The following TRAPPC12 variants were observed in gnomAD, a reference collection of about 807,000 sequenced individuals.
TRAPPC12 encodes trafficking protein particle complex subunit 12.
A neutral mutation model predicts 69.2 loss-of-function variants in TRAPPC12; 61 were observed. That is an observed-to-expected ratio of 0.88 (90% confidence interval 0.72 to 1.09). TRAPPC12 has a LOEUF of 1.09. Ranked by LOEUF, TRAPPC12 falls within the 50% of genes least tolerant of loss-of-function variation. The pLI, the probability that TRAPPC12 is intolerant of heterozygous loss-of-function variation, is 0.00. For synonymous variants in TRAPPC12, 469 were observed against 438.9 expected (o/e 1.07, Z -0.86); for missense variants, 1,101 against 1,016.4 (o/e 1.08, Z -1.13).
intron 9 of TRAPPC12, 132 bp downstream of exon 9, chr2:3,465,827 A>G (rs1665782721): frequency 7.1e-6 from 5 of 705,288 alleles, no homozygotes; most frequent in African/African-American, 1.8e-5. Context: ...AATGTATGTG[A>G]CCATGAAAAG....
At position 3,479,266 on chromosome 2, in the gene TRAPPC12, G is replaced by T. The variant is rs776501230; in HGVS notation, c.2013G>T (p.Lys671Asn). Residue 671 changes from lysine (K) to asparagine (N), a missense_variant, in exon 12 of 12, where the codon AAG (lysine) becomes AAT (asparagine). Transcript: ENST00000324266. ...AVCLLYLGKL[K>N]DSLRQLEAMV... is the part of the protein sequence containing the mutation. Reference sequence around the variant, plus strand: ...GTCTGCTCTACCTGGGCAAGCTCAAGGACTCCCTGCGGCAGCTGGAGGCCA... The same window carrying T: ...GTCTGCTCTACCTGGGCAAGCTCAATGACTCCCTGCGGCAGCTGGAGGCCA... 6.2e-7 allele frequency: 1 copy of T among 1,614,128 alleles called. No homozygotes were observed. The highest frequency in any genetic ancestry group is 1.7e-5 in the Admixed American group (1 of 60,028).
At chr2:3,385,023 TTGAAG>T (rs1660430198) in intron 1 of TRAPPC12, among the ~76,000 whole-genome samples, 1 of 152,230 alleles carries the variant, frequency 6.6e-6, no homozygotes, top group Non-Finnish European at 1.5e-5. Context: ...AAGGAAACCC[TTGAAG>T]TGAAGAAGCT....
intron 8 of TRAPPC12, 149 bp from the exon 9 acceptor site, chr2:3,465,448 C>T (rs535270793): frequency 1.1e-5 from 7 of 609,482 alleles, no homozygotes; most frequent in African/African-American, 3.6e-5. Flanking sequence ...AGCCGAGCAC[C>T]GCGTGCTGGT....
rs937669549 is a variant in TRAPPC12 at position 3,399,799 on chromosome 2, T to G, written c.1048-1978T>G. On this transcript the variant is annotated intron_variant, in intron 2 of 11. Transcript: ENST00000324266. ...GGAGAAACAACTTCTATGCTTTTCTTTCCCCCGCTCCCCCCGCCACCGCCC... is the reference window on the plus strand; with the variant it reads ...GGAGAAACAACTTCTATGCTTTTCTGTCCCCCGCTCCCCCCGCCACCGCCC... Among the ~76,000 whole-genome samples, 16 of 150,950 alleles carry G rather than the reference T, an allele frequency of 1.1e-4. No individual in the cohort carries two copies. In the East Asian group the frequency reaches 2.3e-3, roughly 22 times the overall value.
intron 3 of TRAPPC12, among the ~76,000 whole-genome samples, chr2:3,407,256 A>G (rs1661781771): frequency 6.6e-6 from 1 of 152,170 alleles, no homozygotes; most frequent in South Asian, 2.1e-4. Context: ...TACTTGAGTG[A>G]TTTTTATTAG....
intron 8 of TRAPPC12, 69 bp downstream of exon 8, chr2:3,460,405 G>A: frequency 1.2e-6 from 1 of 813,736 alleles, no homozygotes; most frequent in South Asian, 1.5e-5. Flanking sequence ...CCGCGAGGGA[G>A]CCGCTGGTAT....
chr2:3,426,263 T>A (rs577983949), intron 5 of TRAPPC12, among the ~76,000 whole-genome samples: 4 of 152,334 alleles, frequency 2.6e-5, no homozygotes, highest in Non-Finnish European at 4.4e-5. Context: ...TCAAAGAGAT[T>A]GTCTTGATGG....
At chr2:3,473,184 G>A (rs1366054515) in intron 9 of TRAPPC12, among the ~76,000 whole-genome samples, 3 of 152,128 alleles carry the variant, frequency 2.0e-5, no homozygotes, top group African/African-American at 7.2e-5. Flanking sequence ...GAGAGCAGGT[G>A]AGGGGGGGTC....
chr2:3,462,779 G>A, intron 8 of TRAPPC12: 1 of 403,966 alleles, frequency 2.5e-6, no homozygotes, highest in South Asian at 1.8e-5. Flanking sequence ...GGATGCAGGT[G>A]CCTGCCACCT....
chr2:3,434,987 T>C (rs971853347), intron 5 of TRAPPC12, among the ~76,000 whole-genome samples: 1 of 152,212 alleles, frequency 6.6e-6, no homozygotes, highest in African/African-American at 2.4e-5. Context: ...GCAACGAGGA[T>C]GCCCAGAAGT....
intron 1 of TRAPPC12, among the ~76,000 whole-genome samples, chr2:3,384,272 A>AT: frequency 6.6e-6 from 1 of 152,084 alleles, no homozygotes; most frequent in East Asian, 1.9e-4. Flanking sequence ...GAAGGTTTGT[A>AT]TTTTTTTCTT....
chr2:3,478,285 C>T (rs926416879), intron 10 of TRAPPC12, among the ~76,000 whole-genome samples: 10 of 152,190 alleles, frequency 6.6e-5, no homozygotes, highest in African/African-American at 1.2e-4. Flanking sequence ...AGCAGGTGTC[C>T]GCTTTTAGCA....
rs568604927 is a variant in TRAPPC12, at chr2:3,436,721, C to T, written c.1418-7058C>T. On this transcript the variant is annotated intron_variant, in intron 5 of 11. Transcript: ENST00000324266. ...TTTCACTGCCCTGTGTATTAATCCC[C>T]CCACCACCCCTGGATTAATACCCCC... Among the ~76,000 whole-genome samples, 9 of 151,614 alleles carry T rather than the reference C, an allele frequency of 5.9e-5. No homozygotes were observed. The South Asian group carries it at 1.9e-3, about 32-fold the overall frequency.
intron 1 of TRAPPC12, among the ~76,000 whole-genome samples, chr2:3,381,540 A>T (rs2103411544): frequency 6.6e-6 from 1 of 152,320 alleles, no homozygotes; most frequent in East Asian, 1.9e-4. Flanking sequence ...AGCTTATGTA[A>T]GCTTAAAATC....
rs915330423 is a variant in TRAPPC12 at position 3,414,686 on chromosome 2, G to T, written c.1165-7195G>T. 6.6e-6 allele frequency among the ~76,000 whole-genome samples: 1 copy of T among 152,130 alleles called. No individual in the cohort carries two copies. The highest frequency in any genetic ancestry group is 1.5e-5 in the Non-Finnish European group (1 of 68,018). On this transcript the variant is annotated intron_variant, in intron 3 of 11. Transcript: ENST00000324266. This position sits in a 1 kb window ranked among gnomAD's most constrained non-coding sequence, Gnocchi z 4.9. ...CAGAGCTGTCAAGCGTGTCCATGCC[G>T]TGCCGCTTGTGCCTCTGCCCCGCGA...
chr2:3,402,059 A>G (rs548014391), intron 3 of TRAPPC12, among the ~76,000 whole-genome samples, 166 bp downstream of exon 3: 2 of 152,238 alleles, frequency 1.3e-5, no homozygotes, highest in Non-Finnish European at 2.9e-5. Context: ...AAAGCATCAT[A>G]TTAATACATG....
chr2:3,459,833 G>A (rs948669395), intron 7 of TRAPPC12: 3 of 290,654 alleles, frequency 1.0e-5, no homozygotes, highest in South Asian at 3.0e-5. Flanking sequence ...GGGGCCCTCC[G>A]GGTGGCCTCC....
chr2:3,419,465 A>G (rs1486403251), intron 3 of TRAPPC12, among the ~76,000 whole-genome samples: 1 of 152,220 alleles, frequency 6.6e-6, no homozygotes, highest in Non-Finnish European at 1.5e-5. Flanking sequence ...ACTGTCAACC[A>G]GAACACAGAA....
At chr2:3,468,897 C>T (rs565608737) in intron 9 of TRAPPC12, among the ~76,000 whole-genome samples, 47 of 152,214 alleles carry the variant, frequency 3.1e-4, no homozygotes, top group Admixed American at 1.9e-3. Flanking sequence ...AGATTGCAGT[C>T]GATGAGAGGT....
Sources: gnomAD v4.1 joint callset for allele counts (sites outside exome capture counted in the v4.1 genomes callset) on GRCh38, gnomAD v4.1.1 for gene constraint, Gnocchi (gnomAD v3.1) non-coding constraint, MANE v1.5 for transcripts, NCBI Gene and HGNC (gene_info 2026-07-23, HGNC 2026-07-21) for gene names.